The following SPDYA variants were observed in gnomAD, a reference collection of about 807,000 sequenced individuals.
SPDYA encodes the protein speedy/RINGO cell cycle regulator family member A.
SPDYA carries 11 observed loss-of-function variants against 36.7 expected under a neutral mutation model. That is an observed-to-expected ratio of 0.30 (90% CI 0.19 to 0.50). The LOEUF (loss-of-function observed/expected upper bound fraction) is 0.50. Ranked by LOEUF, SPDYA falls within the 20% of genes least tolerant of loss-of-function variation. SPDYA has a pLI of 0.98. For synonymous variants in SPDYA, 115 were observed against 118.7 expected (o/e 0.97, Z 0.20); for missense variants, 287 against 370.9 (o/e 0.77, Z 1.86).
chr2:28,849,997 C>A lies in SPDYA; in HGVS notation c.*56C>A. 1.5e-6 allele frequency: 2 copies of A among 1,376,380 alleles called. No homozygotes were observed. The highest frequency in any genetic ancestry group is 2.0e-6 in the Non-Finnish European group (2 of 985,758). The allele number at this position is 1,376,380 out of a possible 1,614,324, so 85.3% of individuals were successfully genotyped here. A position where few individuals can be genotyped will look rare whatever the true frequency, so the allele number is the denominator to read the frequency against. On this transcript the variant is annotated 3_prime_UTR_variant, in exon 8 of 8. Coordinates refer to ENST00000334056, the MANE Select transcript of SPDYA (RefSeq NM_182756.4). The stretch of plus-strand genomic sequence containing the variant: ...TAACTACAAAATGTCAAACTAACTG[C>A]AAGACAAGTGTCAAAATGGGATGTT...
chr2:28,814,281 A>G (rs1667929054), intron 1 of SPDYA, among the ~76,000 whole-genome samples: 1 of 152,206 alleles, frequency 6.6e-6, no homozygotes, highest in Non-Finnish European at 1.5e-5. Context: ...TTTCACTTTT[A>G]CTGTTGAAAA....
intron 6 of SPDYA, among the ~76,000 whole-genome samples, chr2:28,829,589 C>T (rs1329342875): frequency 6.6e-6 from 1 of 151,868 alleles, no homozygotes; most frequent in Non-Finnish European, 1.5e-5. Flanking sequence ...GGGTGGATCT[C>T]CTGAGGTCAG....
At chr2:28,843,606 T>C (rs567908997) in intron 7 of SPDYA, among the ~76,000 whole-genome samples, 1 of 152,172 alleles carries the variant, frequency 6.6e-6, no homozygotes, top group African/African-American at 2.4e-5. Flanking sequence ...TTCTTTTTTT[T>C]TTAGATGAAG....
chr2:28,847,910 A>G (rs1668922135), intron 7 of SPDYA, among the ~76,000 whole-genome samples: 1 of 152,164 alleles, frequency 6.6e-6, no homozygotes, highest in South Asian at 2.1e-4. Flanking sequence ...TGTCTTATAA[A>G]TGCGAATGGT....
chr2:28,835,523 G>A (rs960793117), intron 6 of SPDYA, among the ~76,000 whole-genome samples: 50 of 152,216 alleles, frequency 3.3e-4, no homozygotes, highest in African/African-American at 1.2e-3. Flanking sequence ...AGGCATGAGC[G>A]CCCAGCCTTA....
At chr2:28,829,105 T>C (rs765768941) in intron 5 of SPDYA, 43 bp from the exon 6 acceptor site, 1 of 1,570,408 alleles carries the variant, frequency 6.4e-7, no homozygotes, top group African/African-American at 1.4e-5. Flanking sequence ...CCTGTTTCTG[T>C]CCTTTACCCA....
chr2:28,824,897 C>T (rs1460802386), intron 5 of SPDYA, among the ~76,000 whole-genome samples: 1 of 151,958 alleles, frequency 6.6e-6, no homozygotes, highest in African/African-American at 2.4e-5. Context: ...TTCCAGTGCA[C>T]AGGGAAAAAT....
chr2:28,834,143 G>T (rs1668536558), intron 6 of SPDYA, among the ~76,000 whole-genome samples: 1 of 151,014 alleles, frequency 6.6e-6, no homozygotes, highest in Non-Finnish European at 1.5e-5. Context: ...ATCATTAGCT[G>T]TCAGGGATTG....
At chr2:28,813,673 T>TC (rs1667910806) in intron 1 of SPDYA, among the ~76,000 whole-genome samples, 1 of 151,764 alleles carries the variant, frequency 6.6e-6, no homozygotes, top group Non-Finnish European at 1.5e-5. Context: ...TGTCTCAGCC[T>TC]CCCCAGTAGC....
rs1422420375 is a variant in SPDYA, at chr2:28,812,534, T to G, written c.-93+1587T>G. ...TCAAGTATGAATCCTGGTATGATTT[T>G]TTTAATGTTCATGGAGTCCATATAA... is the stretch of plus-strand genomic sequence containing the variant. On this transcript the variant is annotated intron_variant, in intron 1 of 7. Coordinates refer to ENST00000334056, the MANE Select transcript of SPDYA (RefSeq NM_182756.4). 3.3e-5 allele frequency among the ~76,000 whole-genome samples: 5 copies of G among 152,180 alleles called. No homozygotes were observed. The East Asian group carries it at 9.7e-4, about 29-fold the overall frequency.
intron 6 of SPDYA, among the ~76,000 whole-genome samples, chr2:28,831,294 G>C (rs967616520): frequency 6.6e-6 from 1 of 152,086 alleles, no homozygotes. Flanking sequence ...GAAGATTCAG[G>C]CTGCAGTGAG....
intron 6 of SPDYA, among the ~76,000 whole-genome samples, chr2:28,832,487 C>G (rs1404038501): frequency 2.6e-5 from 4 of 152,168 alleles, no homozygotes; most frequent in African/African-American, 9.7e-5. Flanking sequence ...ACACTAACAA[C>G]TAATAATTTC....
At chr2:28,830,441 G>A (rs1668454383) in intron 6 of SPDYA, among the ~76,000 whole-genome samples, 1 of 151,968 alleles carries the variant, frequency 6.6e-6, no homozygotes, top group Non-Finnish European at 1.5e-5. Context: ...CTGACCTTGT[G>A]ATCCGCCCGC....
At position 28,839,214 on chromosome 2, in the gene SPDYA, C is replaced by A. The variant is rs542980365; in HGVS notation, c.553-958C>A. On this transcript the variant is annotated intron_variant, in intron 6 of 7. Coordinates refer to ENST00000334056, the MANE Select transcript of SPDYA (RefSeq NM_182756.4). ...CCAGTATTATACAGCTAGCAAGTGG[C>A]AGTGCCAGGGTAAGAAACCAAGTGT... Among the ~76,000 whole-genome samples the A allele has an allele frequency of 2.6e-5, 4 of 152,298 alleles. No individual in the cohort carries two copies. The South Asian group carries it at 8.3e-4, about 32-fold the overall frequency.
At chr2:28,839,753 C>T (rs1163567037) in intron 6 of SPDYA, among the ~76,000 whole-genome samples, 1 of 152,186 alleles carries the variant, frequency 6.6e-6, no homozygotes, top group African/African-American at 2.4e-5. Context: ...CCACCCGCAT[C>T]GGCCTCCCAA....
At chr2:28,842,523 G>A (rs908405105) in intron 7 of SPDYA, among the ~76,000 whole-genome samples, 3 of 152,160 alleles carry the variant, frequency 2.0e-5, no homozygotes, top group African/African-American at 7.2e-5. Flanking sequence ...TGGATGAAAA[G>A]TGGGGTATTA....
intron 7 of SPDYA, among the ~76,000 whole-genome samples, chr2:28,846,172 A>G (rs1476807232): frequency 6.6e-6 from 1 of 152,140 alleles, no homozygotes; most frequent in African/African-American, 2.4e-5. Flanking sequence ...TGGGAGGCTG[A>G]AGCGGGCAGA....
intron 6 of SPDYA, among the ~76,000 whole-genome samples, chr2:28,830,393 C>A (rs903857095): frequency 3.3e-5 from 5 of 151,764 alleles, no homozygotes; most frequent in African/African-American, 1.2e-4. Context: ...TTAGTAGAGA[C>A]GGGGTTTCGC....
At chr2:28,817,288 G>A (rs1409618188) in intron 3 of SPDYA, among the ~76,000 whole-genome samples, 5 of 152,154 alleles carry the variant, frequency 3.3e-5, no homozygotes, top group African/African-American at 1.2e-4. Context: ...GAGCCTGGGC[G>A]CGGTGGCTCA....
Sources: allele counts gnomAD v4.1 joint callset (sites outside exome capture counted in the v4.1 genomes callset), GRCh38; gene constraint gnomAD v4.1.1; transcripts MANE v1.5; gene names NCBI Gene and HGNC (gene_info 2026-07-23, HGNC 2026-07-21).